Variants in NRCAM observed in about 807,000 individuals in gnomAD.
The protein encoded by NRCAM is NgCAM-related cell adhesion molecule.
NRCAM carries 83 observed loss-of-function variants against 156.5 expected under a neutral mutation model. The ratio of observed to expected loss-of-function variants is 0.53; its 90% confidence interval spans 0.44 to 0.64. The LOEUF is 0.64. NRCAM is among the 30% of genes least tolerant of loss of function. NRCAM has a pLI of 0.00. For missense variants in NRCAM, 1,417 were observed against 1,597.3 expected (o/e 0.89, Z 1.92); for synonymous variants, 538 against 563.9 (o/e 0.95, Z 0.65).
At chr7:108,294,040 T>A (rs980747005) in intron 3 of NRCAM, among the ~76,000 whole-genome samples, 1 of 152,070 alleles carries the variant, frequency 6.6e-6, no homozygotes, top group African/African-American at 2.4e-5. Flanking sequence ...TAATTGGAGG[T>A]ACTGGTGAGC....
chr7:108,286,895 T>A (rs2098120871), intron 3 of NRCAM, among the ~76,000 whole-genome samples: 1 of 152,208 alleles, frequency 6.6e-6, no homozygotes, highest in African/African-American at 2.4e-5. Context: ...TCTTAAGAAA[T>A]CCTAAACGGG....
chr7:108,368,893 T>A (rs1014774248), intron 2 of NRCAM, among the ~76,000 whole-genome samples: 1 of 152,176 alleles, frequency 6.6e-6, no homozygotes, highest in Non-Finnish European at 1.5e-5. Flanking sequence ...ACAATGAACA[T>A]GACCTGTGTA....
chr7:108,300,158 G>C (rs1283320116), intron 3 of NRCAM, among the ~76,000 whole-genome samples: 1 of 78,774 alleles, frequency 1.3e-5, no homozygotes, highest in Non-Finnish European at 2.4e-5. Context: ...AATTTCTGTT[G>C]ACTTTTTTTT....
At chr7:108,247,516 T>C (rs1269643) in intron 3 of NRCAM, among the ~76,000 whole-genome samples, 5 of 151,990 alleles carry the variant, frequency 3.3e-5, no homozygotes, top group African/African-American at 1.2e-4. Context: ...ACAAAACTTA[T>C]AGTCAGAATA....
intron 8 of NRCAM, among the ~76,000 whole-genome samples, chr7:108,229,187 T>C (rs1184486226): frequency 6.6e-6 from 1 of 152,224 alleles, no homozygotes; most frequent in African/African-American, 2.4e-5. Flanking sequence ...AGTCATTTTT[T>C]AGTTCTCATA....
intron 13 of NRCAM, among the ~76,000 whole-genome samples, chr7:108,201,288 C>T (rs405945): frequency 0.38 from 58,112 of 151,836 alleles, 13,463 homozygotes; most frequent in East Asian, 0.81. Flanking sequence ...CCCACCCTGA[C>T]CGCATCTCTG....
intron 32 of NRCAM, among the ~76,000 whole-genome samples, chr7:108,158,186 T>G (rs2046689357): frequency 6.6e-6 from 1 of 152,066 alleles, no homozygotes. Flanking sequence ...TTCATACACC[T>G]TCAGCTCCAG....
intron 2 of NRCAM, among the ~76,000 whole-genome samples, chr7:108,380,923 A>G (rs1488279387): frequency 2.0e-5 from 3 of 152,218 alleles, no homozygotes; most frequent in African/African-American, 7.2e-5. Context: ...AATAAAAAGA[A>G]GTCAGCCATG....
chr7:108,443,073 T>A (rs1186652136), intron 1 of NRCAM, among the ~76,000 whole-genome samples: 2 of 152,190 alleles, frequency 1.3e-5, no homozygotes, highest in Non-Finnish European at 2.9e-5. Context: ...TGTATTAAAA[T>A]GAGATCAGTG....
chr7:108,317,898 G>T (rs556213697), intron 2 of NRCAM, among the ~76,000 whole-genome samples: 1 of 138,130 alleles, frequency 7.2e-6, no homozygotes, highest in Non-Finnish European at 1.5e-5. Context: ...GACAGAGGGA[G>T]ACTCAGTCCC....
At chr7:108,165,086 T>G (rs569573065) in intron 30 of NRCAM, among the ~76,000 whole-genome samples, 1 of 152,218 alleles carries the variant, frequency 6.6e-6, no homozygotes, top group African/African-American at 2.4e-5. Context: ...TTTTTATACA[T>G]AGTAGATTCT....
intron 1 of NRCAM, among the ~76,000 whole-genome samples, chr7:108,415,816 A>T (rs1243877560): frequency 6.6e-6 from 1 of 152,198 alleles, no homozygotes; most frequent in Non-Finnish European, 1.5e-5. Context: ...CAGGAGATGG[A>T]GGTTGCAGTG....
At chr7:108,455,459 C>A (rs917535350) in intron 1 of NRCAM, among the ~76,000 whole-genome samples, 2 of 152,124 alleles carry the variant, frequency 1.3e-5, no homozygotes, top group Non-Finnish European at 2.9e-5. Context: ...TTCCAGGCAG[C>A]CCCCAGCCCG....
At chr7:108,280,321 A>G (rs2097802361) in intron 3 of NRCAM, among the ~76,000 whole-genome samples, 1 of 151,766 alleles carries the variant, frequency 6.6e-6, no homozygotes. Flanking sequence ...GTGAGGTAAA[A>G]GCCTCTCTTA....
intron 2 of NRCAM, among the ~76,000 whole-genome samples, chr7:108,342,098 C>A (rs879811991): frequency 7.9e-5 from 12 of 152,206 alleles, no homozygotes; most frequent in Non-Finnish European, 1.5e-4. Flanking sequence ...GGATAGCCCC[C>A]ATCTATTTGG....
At chr7:108,291,708 CAGAG>C (rs891365432) in intron 3 of NRCAM, among the ~76,000 whole-genome samples, 1 of 151,914 alleles carries the variant, frequency 6.6e-6, no homozygotes, top group Non-Finnish European at 1.5e-5. Context: ...GACAGAGCGA[CAGAG>C]AGAGAAGAGA....
chr7:108,443,061 C>T (rs1034825), intron 1 of NRCAM, among the ~76,000 whole-genome samples: 91,350 of 152,004 alleles, frequency 0.6, 27,904 homozygotes, highest in African/African-American at 0.73. Context: ...GCAAATGGTC[C>T]ATGTATTAAA....
chr7:108,293,556 G>A (rs771186491), intron 3 of NRCAM, among the ~76,000 whole-genome samples: 4 of 152,214 alleles, frequency 2.6e-5, no homozygotes, highest in Admixed American at 1.3e-4. Context: ...TCTAAGTGCA[G>A]GCAGTACACT....
intron 3 of NRCAM, among the ~76,000 whole-genome samples, chr7:108,255,575 G>A (rs887695068): frequency 3.3e-5 from 5 of 152,144 alleles, no homozygotes; most frequent in African/African-American, 1.2e-4. Context: ...TGCAGCCTCT[G>A]CCCGGCCGCC....
Sources: gnomAD v4.1 joint callset for allele counts (sites outside exome capture counted in the v4.1 genomes callset) on GRCh38, gnomAD v4.1.1 for gene constraint, MANE v1.5 for transcripts, NCBI Gene and HGNC (gene_info 2026-07-23, HGNC 2026-07-21) for gene names.